The following SKIL variants were observed in gnomAD, a reference collection of about 807,000 sequenced individuals.
SKIL encodes the protein ski-like protein.
A neutral mutation model predicts 69.6 loss-of-function variants in SKIL; 20 were observed. The ratio of observed to expected loss-of-function variants is 0.29; its 90% CI spans 0.20 to 0.42. The LOEUF (loss-of-function observed/expected upper bound fraction) is 0.42. Among genes scored for constraint, SKIL ranks in the 10% least tolerant of loss-of-function variants. SKIL has a pLI of 1.00. For synonymous variants in SKIL, 310 were observed against 279.9 expected, an observed-to-expected ratio of 1.11 and a Z score of -1.08; for missense variants, 745 against 783.1, an observed-to-expected ratio of 0.95 and a Z score of 0.58.
chr3:170,384,745 G>A lies in SKIL; in HGVS notation c.1409G>A (p.Arg470Lys), dbSNP rs995350705. 3.2e-6 allele frequency: 5 copies of A among 1,576,612 alleles called. No individual in the cohort carries two copies. Among genetic ancestry groups the A allele is most frequent in the Non-Finnish European group, 3.5e-6 (4 of 1,148,296 alleles). Residue 470 changes from arginine to lysine, a missense_variant, in exon 4 of 7, where the codon AGA (arginine) becomes AAA (lysine). Coordinates refer to ENST00000259119, the MANE Select transcript of SKIL (RefSeq NM_005414.5). ...GAGAAAATGGATTTAAAAACAAGTAGAGAATTATGTAGCCGTTTAGGTAAG... is the reference window on the plus strand; with the variant it reads ...GAGAAAATGGATTTAAAAACAAGTAAAGAATTATGTAGCCGTTTAGGTAAG... ...EQEKMDLKTS[R>K]ELCSRLDASI... is the part of the protein sequence containing the mutation.
Position 170,384,637 on chromosome 3 carries a change from T to C in SKIL, c.1301T>C (p.Ile434Thr). The change falls in exon 4 of 7, where the codon ATA becomes ACA. Residue 434 changes from isoleucine (I) to threonine (T), a missense_variant. Transcript: ENST00000259119. ...ELTKTEASKS[I>T]SRQSEKAHSS... ...ACAAAGACAGAGGCAAGTAAGTCCATATCAAGACAGTCAGAGAAGGCTCAC... is the reference window on the plus strand; with the variant it reads ...ACAAAGACAGAGGCAAGTAAGTCCACATCAAGACAGTCAGAGAAGGCTCAC... 6.2e-7 allele frequency: 1 copy of C among 1,611,980 alleles called. No individual in the cohort carries two copies. Among genetic ancestry groups the C allele is most frequent in the Non-Finnish European group, 8.5e-7 (1 of 1,178,052 alleles).
In SKIL at chr3:170,392,414, A is replaced by G. The variant is rs773840239; in HGVS notation, c.2052A>G (p.Glu684=). 3.1e-6 allele frequency: 5 copies of G among 1,603,884 alleles called. No homozygotes were observed. In the South Asian group the frequency reaches 4.5e-5, roughly 14 times the overall value. Residue 684 remains glutamate, a synonymous_variant, in exon 7 of 7, where the codon GAA becomes GAG. Coordinates refer to ENST00000259119, the MANE Select transcript of SKIL (RefSeq NM_005414.5). ...TGAAATCATCAAAGACTGCTAAAGA[A>G]TAGAAACTGTTAAAGAGATTCATCT... ...QILKSSKTAK[E] is the part of the protein sequence containing the mutation.
chr3:170,381,814 G>A (rs1295561101), intron 3 of SKIL, among the ~76,000 whole-genome samples: 1 of 151,430 alleles, frequency 6.6e-6, no homozygotes, highest in East Asian at 2.0e-4. Context: ...GGGCGCGGTG[G>A]CTCATGCCTG....
Position 170,390,268 on chromosome 3 carries a change from C to T in SKIL, c.1475C>T (p.Ser492Phe), listed in dbSNP as rs1479577382. The T allele has an allele frequency of 6.2e-7, 1 of 1,612,172 alleles. No individual in the cohort carries two copies. The highest frequency in any genetic ancestry group is 1.7e-5 in the Admixed American group (1 of 59,996). ...NNSTSKRKSESATCNLVRDIN... is the reference protein window; with the variant it reads ...NNSTSKRKSEFATCNLVRDIN... Reference sequence around the variant, plus strand: ...TCTACAAGTAAAAGGAAATCTGAGTCTGCCACTTGCAACTTAGTCAGAGAC... The same window carrying T: ...TCTACAAGTAAAAGGAAATCTGAGTTTGCCACTTGCAACTTAGTCAGAGAC... The change falls in exon 5 of 7, where the codon TCT becomes TTT. Residue 492 changes from serine to phenylalanine, a missense_variant. Coordinates refer to ENST00000259119, the MANE Select transcript of SKIL (RefSeq NM_005414.5).
intron 3 of SKIL, among the ~76,000 whole-genome samples, chr3:170,382,089 GAAA>G (rs1319065977): frequency 6.6e-6 from 1 of 151,322 alleles, no homozygotes; most frequent in Non-Finnish European, 1.5e-5. Flanking sequence ...CAAAAAAAAA[GAAA>G]AAAAGAAAAT....
chr3:170,388,805 G>T (rs1737770925), intron 4 of SKIL, among the ~76,000 whole-genome samples: 2 of 151,760 alleles, frequency 1.3e-5, no homozygotes, highest in Admixed American at 6.6e-5. Context: ...CTTGTTTTAG[G>T]TATCATATCT....
intron 2 of SKIL, among the ~76,000 whole-genome samples, chr3:170,380,558 G>A (rs1036233475): frequency 3.3e-5 from 5 of 151,786 alleles, no homozygotes; most frequent in African/African-American, 9.7e-5. Flanking sequence ...GCAGAGAATC[G>A]CTTGAACCCG....
In SKIL at chr3:170,386,217, G is replaced by A. The variant is rs369263349; in HGVS notation, c.1429+1452G>A. ...GTGATCTCGGCTCACTGCAATCTCC[G>A]CCTCCCAGGTTCAAGTGATTCTCCT... On this transcript the variant is annotated intron_variant, in intron 4 of 6. Transcript: ENST00000259119. Among the ~76,000 whole-genome samples the A allele has an allele frequency of 6.9e-4, 104 of 149,744 alleles. 1 individual carries two copies. Among genetic ancestry groups the A allele is most frequent in the African/African-American group, 2.5e-3 (100 of 40,572 alleles).
chr3:170,380,543 C>G (rs560396328), intron 2 of SKIL, among the ~76,000 whole-genome samples: 1 of 151,924 alleles, frequency 6.6e-6, no homozygotes, highest in African/African-American at 2.4e-5. Context: ...ACTCAGGATA[C>G]TGAAGCAGAG....
intron 2 of SKIL, among the ~76,000 whole-genome samples, chr3:170,362,645 T>C (rs936593831): frequency 5.9e-5 from 9 of 151,778 alleles, no homozygotes; most frequent in Middle Eastern, 6.8e-3. Flanking sequence ...TAAAACCCCA[T>C]CTCTACTAAA....
At chr3:170,390,924 CTGA>C in intron 5 of SKIL, 109 bp from the exon 6 acceptor site, 1 of 632,470 alleles carries the variant, frequency 1.6e-6, no homozygotes, top group Non-Finnish European at 2.8e-6. Context: ...CTATATAGAA[CTGA>C]TAATGATAGC....
chr3:170,374,813 G>A (rs149939879), intron 2 of SKIL, among the ~76,000 whole-genome samples: 132 of 152,236 alleles, frequency 8.7e-4, no homozygotes, highest in Non-Finnish European at 1.5e-3. Flanking sequence ...AGTGTTGTGC[G>A]TGTCCCCATC....
At chr3:170,386,119 G>GT (rs995960130) in intron 4 of SKIL, among the ~76,000 whole-genome samples, 57 of 148,892 alleles carry the variant, frequency 3.8e-4, no homozygotes, top group Non-Finnish European at 1.5e-4. Context: ...GGGTTTTCTG[G>GT]TTTTTTTGTT....
rs2108231660 is a variant in SKIL at position 170,395,273 on chromosome 3, CTA to C, written c.*2858_*2859del. 6.6e-6 allele frequency: 1 copy of C among 152,186 alleles called. No homozygotes were observed. The highest frequency in any genetic ancestry group is 2.1e-4 in the South Asian group (1 of 4,824). The allele number at this position is 152,186 out of a possible 1,614,324, so 9.4% of individuals were successfully genotyped here. A position where few individuals can be genotyped will look rare whatever the true frequency, so the allele number is the denominator to read the frequency against. On this transcript the variant is annotated 3_prime_UTR_variant, in exon 7 of 7. Coordinates refer to ENST00000259119, the MANE Select transcript of SKIL (RefSeq NM_005414.5). ...AATTTCACAAATGTAACTTATAACA[CTA>C]TGAAAAGATTTGACCAACAATTTAC...
At position 170,395,132 on chromosome 3, in the gene SKIL, A is replaced by G. The variant is rs1177639683; in HGVS notation, c.*2715A>G. On this transcript the variant is annotated 3_prime_UTR_variant, in exon 7 of 7. Coordinates refer to ENST00000259119, the MANE Select transcript of SKIL (RefSeq NM_005414.5). ...AGAATATTAGCTTGGGTGATGTTTA[A>G]TTTGGGTGGCGATAGTTTCTGTAGG... 1 of 152,158 alleles carries G rather than the reference A, an allele frequency of 6.6e-6. No individual in the cohort carries two copies. The highest frequency in any genetic ancestry group is 1.9e-4 in the East Asian group (1 of 5,202). 9.4% of individuals were successfully genotyped at this position (152,158 alleles called of 1,614,324 possible).
chr3:170,371,255 C>G (rs933601707), intron 2 of SKIL, among the ~76,000 whole-genome samples: 2 of 152,114 alleles, frequency 1.3e-5, no homozygotes, highest in African/African-American at 2.4e-5. Flanking sequence ...AATCCCAGCA[C>G]TTTGGGAGGC....
chr3:170,363,508 A>G (rs1365281129), intron 2 of SKIL, among the ~76,000 whole-genome samples: 2 of 151,348 alleles, frequency 1.3e-5, no homozygotes, highest in Non-Finnish European at 2.9e-5. Context: ...TTTTTGAGAC[A>G]GAGTTTCGCT....
chr3:170,365,884 T>C (rs1430098876), intron 2 of SKIL, among the ~76,000 whole-genome samples: 2 of 151,502 alleles, frequency 1.3e-5, no homozygotes, highest in African/African-American at 4.9e-5. Flanking sequence ...GCCTCCCAAG[T>C]AGCTGCAATT....
chr3:170,390,305 G>C lies in SKIL; in HGVS notation c.1512G>C (p.Val504=). The change falls in exon 5 of 7, where the codon GTG becomes GTC. Residue 504 remains valine, a synonymous_variant. Coordinates refer to ENST00000259119, the MANE Select transcript of SKIL (RefSeq NM_005414.5). ...TCNLVRDINK[V]GIGLVAAASS... ...ACTTAGTCAGAGACATAAACAAAGT[G>C]GGAATTGGCCTTGTTGCTGCCGCTT... 6.2e-7 allele frequency: 1 copy of C among 1,613,802 alleles called. No homozygotes were observed. The highest frequency in any genetic ancestry group is 2.2e-5 in the East Asian group (1 of 44,876).
Sources: allele counts gnomAD v4.1 joint callset (sites outside exome capture counted in the v4.1 genomes callset), GRCh38; gene constraint gnomAD v4.1.1; transcripts MANE v1.5; gene names NCBI Gene and HGNC (gene_info 2026-07-23, HGNC 2026-07-21).